Variants in FBXO28 observed in about 807,000 individuals in gnomAD.
FBXO28 encodes F-box protein 28, also known as F-box only protein 28.
In FBXO28, 8 loss-of-function variants were observed where a neutral mutation model predicts 38.1. The observed-to-expected ratio is 0.21, with a 90% CI of 0.12 to 0.38. The LOEUF (loss-of-function observed/expected upper bound fraction) is 0.38. FBXO28 is among the 10% of genes least tolerant of loss of function. The pLI is 1.00. For missense variants in FBXO28, 345 were observed against 460.6 expected (o/e 0.75, Z 2.30); for synonymous variants, 168 against 173.8 (o/e 0.97, Z 0.26).
chr1:224,132,507 C>T (rs1657075766), intron 2 of FBXO28, among the ~76,000 whole-genome samples: 1 of 152,104 alleles, frequency 6.6e-6, no homozygotes, highest in Non-Finnish European at 1.5e-5. Context: ...CTTTAGAAAA[C>T]AGTTTGGCTG....
At position 224,153,341 on chromosome 1, in the gene FBXO28, T is replaced by G; in HGVS notation, c.712+4T>G. 1 of 1,566,012 alleles carries G rather than the reference T, an allele frequency of 6.4e-7. No individual in the cohort carries two copies. Among genetic ancestry groups the G allele is most frequent in the Admixed American group, 2.0e-5 (1 of 49,298 alleles). On this transcript the variant is annotated splice_donor_region_variant and intron_variant, in intron 4 of 4. Transcript: ENST00000366862. ...AGACTCATGGGCTCTCCTCCAGGTATCTCTACTTTATAATCATGCTTGTAC... is the reference window on the plus strand; with the variant it reads ...AGACTCATGGGCTCTCCTCCAGGTAGCTCTACTTTATAATCATGCTTGTAC...
chr1:224,139,278 T>G (rs1657280323), intron 3 of FBXO28, among the ~76,000 whole-genome samples: 1 of 151,926 alleles, frequency 6.6e-6, no homozygotes, highest in South Asian at 2.1e-4. Flanking sequence ...GGAAAGAAAA[T>G]TGGTGGTGGT....
intron 1 of FBXO28, among the ~76,000 whole-genome samples, chr1:224,127,144 G>A (rs1168528173): frequency 6.6e-6 from 1 of 150,654 alleles, no homozygotes; most frequent in Non-Finnish European, 1.5e-5. Flanking sequence ...CTGTCACAGG[G>A]TCCATAAGAT....
intron 1 of FBXO28, among the ~76,000 whole-genome samples, chr1:224,120,990 G>C (rs955635168): frequency 2.0e-5 from 3 of 151,520 alleles, no homozygotes; most frequent in Non-Finnish European, 4.4e-5. Flanking sequence ...GAGGAGATTA[G>C]AACTTTTTTT....
At chr1:224,130,720 C>T (rs1275564811) in intron 2 of FBXO28, 139 bp downstream of exon 2, 4 of 574,558 alleles carry the variant, frequency 7.0e-6, no homozygotes, top group Non-Finnish European at 1.2e-5. Context: ...GTGATTTCTG[C>T]AGTGGTTTGT....
At chr1:224,151,965 C>A (rs1657657754) in intron 3 of FBXO28, among the ~76,000 whole-genome samples, 1 of 151,762 alleles carries the variant, frequency 6.6e-6, no homozygotes, top group Non-Finnish European at 1.5e-5. Context: ...TCACTTGAAC[C>A]CTGCGGTTGG....
In FBXO28 at chr1:224,153,131, C is replaced by G. The variant is rs1206979436; in HGVS notation, c.517-11C>G. The G allele has an allele frequency of 1.9e-6, 3 of 1,578,318 alleles. No homozygotes were observed. The highest frequency in any genetic ancestry group is 1.7e-6 in the Non-Finnish European group (2 of 1,169,136). On this transcript the variant is annotated splice_polypyrimidine_tract_variant and intron_variant, in intron 3 of 4. Coordinates refer to ENST00000366862, the MANE Select transcript of FBXO28 (RefSeq NM_015176.4). ...AAAATCTAAAGTGCTAATGAGAATT[C>G]ATTATTTTAGGTGATTGATGAGATT...
intron 1 of FBXO28, among the ~76,000 whole-genome samples, chr1:224,121,074 G>C (rs1056489146): frequency 6.6e-6 from 1 of 151,774 alleles, no homozygotes; most frequent in Non-Finnish European, 1.5e-5. Context: ...AGTGACTAAA[G>C]AAAACTCTTA....
At chr1:224,117,426 AATTT>A in intron 1 of FBXO28, among the ~76,000 whole-genome samples, 1 of 150,952 alleles carries the variant, frequency 6.6e-6, no homozygotes, top group East Asian at 2.0e-4. Flanking sequence ...CCTAGGCCTG[AATTT>A]ATTTATTTTA....
chr1:224,143,697 G>A (rs868646789), intron 3 of FBXO28, among the ~76,000 whole-genome samples: 1 of 151,928 alleles, frequency 6.6e-6, no homozygotes, highest in Admixed American at 6.6e-5. Context: ...TTAGCCAGGC[G>A]TGATGGCGGG....
intron 3 of FBXO28, among the ~76,000 whole-genome samples, chr1:224,143,794 C>T (rs1474151136): frequency 6.7e-6 from 1 of 148,422 alleles, no homozygotes; most frequent in East Asian, 2.0e-4. Context: ...TGAGATCACG[C>T]CACTGCACTC....
In FBXO28 at chr1:224,149,774, G is replaced by T. The variant is rs534915007; in HGVS notation, c.517-3368G>T. The stretch of plus-strand genomic sequence containing the variant: ...GTGTTCTGAAGGGGAATAAAGGGTT[G>T]GATGAAGATGTTAACATGATTTAAA... On this transcript the variant is annotated intron_variant, in intron 3 of 4. Coordinates refer to ENST00000366862, the MANE Select transcript of FBXO28 (RefSeq NM_015176.4). Among the ~76,000 whole-genome samples, 6 of 152,290 alleles carry T rather than the reference G, an allele frequency of 3.9e-5. No individual in the cohort carries two copies. In the South Asian group the frequency reaches 1.2e-3, roughly 32 times the overall value.
At chr1:224,151,765 G>C (rs1254978237) in intron 3 of FBXO28, among the ~76,000 whole-genome samples, 1 of 152,056 alleles carries the variant, frequency 6.6e-6, no homozygotes, top group African/African-American at 2.4e-5. Flanking sequence ...ATTTTAGGTC[G>C]GGCATGGTGG....
At chr1:224,152,384 T>C (rs1475685498) in intron 3 of FBXO28, among the ~76,000 whole-genome samples, 5 of 152,044 alleles carry the variant, frequency 3.3e-5, no homozygotes, top group African/African-American at 1.2e-4. Context: ...CAGATTCAGG[T>C]TTGGAGGATT....
At chr1:224,150,003 CA>C (rs1657602693) in intron 3 of FBXO28, among the ~76,000 whole-genome samples, 1 of 152,182 alleles carries the variant, frequency 6.6e-6, no homozygotes, top group South Asian at 2.1e-4. Context: ...ATAGATGCAA[CA>C]TATTAGCCTT....
intron 3 of FBXO28, among the ~76,000 whole-genome samples, chr1:224,150,491 T>C (rs895254231): frequency 2.0e-5 from 3 of 152,230 alleles, no homozygotes; most frequent in Non-Finnish European, 2.9e-5. Context: ...ATATTTTTAA[T>C]TTTATTAACT....
rs71168310 is a variant in FBXO28, at chr1:224,117,165, A to ATTTTTTTTT, written c.267+2780_267+2788dup. ...AAAAATAAAAATAAAAATAAATTGG[A>ATTTTTTTTT]TTTTTTTTTTTTTTTTTTTGAGACG... On this transcript the variant is annotated intron_variant, in intron 1 of 4. Coordinates refer to ENST00000366862, the MANE Select transcript of FBXO28 (RefSeq NM_015176.4). Among the ~76,000 whole-genome samples, 122 of 122,176 alleles carry ATTTTTTTTT rather than the reference A, an allele frequency of 1.0e-3. 3 individuals are homozygous for ATTTTTTTTT. Among genetic ancestry groups the ATTTTTTTTT allele is most frequent in the African/African-American group, 3.8e-3 (118 of 30,750 alleles). 80.2% of individuals were successfully genotyped at this position (122,176 alleles called of 152,430 possible). A position where few individuals can be genotyped will look rare whatever the true frequency, so the allele number is the denominator to read the frequency against.
At chr1:224,130,753 A>G (rs1572011684) in intron 2 of FBXO28, 172 bp downstream of exon 2, 2 of 506,050 alleles carry the variant, frequency 4.0e-6, no homozygotes, top group East Asian at 6.4e-5. Context: ...TTTGTGATCA[A>G]CATTTTACTG....
intron 4 of FBXO28, among the ~76,000 whole-genome samples, chr1:224,154,618 C>T (rs2102636153): frequency 6.6e-6 from 1 of 152,182 alleles, no homozygotes; most frequent in Non-Finnish European, 1.5e-5. Context: ...ACCATCCTGG[C>T]TAACATGGTG....
Sources: gnomAD v4.1 joint callset for allele counts (sites outside exome capture counted in the v4.1 genomes callset) on GRCh38, gnomAD v4.1.1 for gene constraint, MANE v1.5 for transcripts, NCBI Gene and HGNC (gene_info 2026-07-23, HGNC 2026-07-21) for gene names.